DLG1: variants seen among roughly 807,000 people sequenced by gnomAD.
The protein encoded by DLG1 is discs large MAGUK scaffold protein 1, also known as disks large homolog 1.
Under a neutral mutation model 123.4 loss-of-function variants are expected in DLG1, and 42 were observed. That is an observed-to-expected ratio of 0.34 (90% confidence interval 0.27 to 0.44). The LOEUF (loss-of-function observed/expected upper bound fraction) is 0.44, where lower values mean the gene tolerates loss of function less well. DLG1 is among the 20% of genes least tolerant of loss of function. DLG1 has a pLI of 1.00. For synonymous variants in DLG1, 317 were observed against 356.2 expected, an observed-to-expected ratio of 0.89 and a Z score of 1.24; for missense variants, 942 against 1,082.6, an observed-to-expected ratio of 0.87 and a Z score of 1.82.
intron 5 of DLG1, among the ~76,000 whole-genome samples, chr3:197,183,154 A>G (rs1292136410): frequency 1.3e-5 from 2 of 152,218 alleles, no homozygotes; most frequent in Non-Finnish European, 2.9e-5. Flanking sequence ...AAAATATTTC[A>G]AAGTATCTTC....
At chr3:197,235,458 A>C (rs6805920) in intron 4 of DLG1, among the ~76,000 whole-genome samples, 43,217 of 152,178 alleles carry the variant, frequency 0.28, 7,437 homozygotes, top group East Asian at 0.71. Context: ...TTCAGAGCTC[A>C]CAGTAAGCTG....
chr3:197,152,685 C>A (rs927730682), intron 5 of DLG1, among the ~76,000 whole-genome samples: 2 of 147,640 alleles, frequency 1.4e-5, no homozygotes, highest in African/African-American at 5.0e-5. Context: ...ATGGTGTGAA[C>A]CCAGGAGGTG....
chr3:197,110,393 T>A (rs991104684), intron 13 of DLG1, among the ~76,000 whole-genome samples: 11 of 152,208 alleles, frequency 7.2e-5, no homozygotes, highest in African/African-American at 2.7e-4. Context: ...TGGTGAGATA[T>A]TGTTCCTTTA....
Position 197,282,808 on chromosome 3 carries a change from A to G in DLG1, c.189T>C (p.Asn63=). 6.2e-7 allele frequency: 1 copy of G among 1,600,184 alleles called. No individual in the cohort carries two copies. The highest frequency in any genetic ancestry group is 8.5e-7 in the Non-Finnish European group (1 of 1,172,446). ...QEFYEVTLLD[N]PKCIDRSKPS... The stretch of plus-strand genomic sequence containing the variant: ...GCTTTGAACGATCTATACATTTTGG[A>G]TTATCCAGTAAGGTCACTTCATAAA... The change falls in exon 4 of 25, where the codon AAT becomes AAC. Residue 63 remains asparagine, a synonymous_variant. Transcript: ENST00000667157.
At chr3:197,155,550 A>G (rs193296434) in intron 5 of DLG1, among the ~76,000 whole-genome samples, 23 of 152,324 alleles carry the variant, frequency 1.5e-4, no homozygotes, top group Non-Finnish European at 2.9e-4. Context: ...CTAGTTAGTA[A>G]TATTGTAACA....
chr3:197,081,241 T>TTAA, intron 16 of DLG1, 124 bp from the exon 17 acceptor site: 2 of 780,220 alleles, frequency 2.6e-6, no homozygotes, highest in Non-Finnish European at 3.9e-6. Flanking sequence ...AAGAGTCATC[T>TTAA]AGGTTTGCAT....
chr3:197,201,179 C>G (rs375667461), intron 4 of DLG1, among the ~76,000 whole-genome samples: 2 of 152,144 alleles, frequency 1.3e-5, no homozygotes, highest in Non-Finnish European at 2.9e-5. Context: ...GTCAGGAGAT[C>G]GAGACCATCC....
chr3:197,153,664 C>T (rs1795021789), intron 5 of DLG1, among the ~76,000 whole-genome samples: 1 of 152,188 alleles, frequency 6.6e-6, no homozygotes, highest in African/African-American at 2.4e-5. Flanking sequence ...CCCCTTCCTA[C>T]ACACCAATTC....
intron 14 of DLG1, among the ~76,000 whole-genome samples, chr3:197,103,729 A>C (rs1186959752): frequency 1.3e-5 from 2 of 150,128 alleles, no homozygotes; most frequent in Admixed American, 1.3e-4. Flanking sequence ...TGATCAGCTA[A>C]AAAACATACT....
intron 5 of DLG1, among the ~76,000 whole-genome samples, chr3:197,183,176 T>C (rs564164914): frequency 6.4e-4 from 97 of 152,222 alleles, no homozygotes; most frequent in Non-Finnish European, 1.2e-3. Flanking sequence ...GTTTCTTTAC[T>C]GTAACAGTCT....
intron 7 of DLG1, 117 bp downstream of exon 7, chr3:197,142,601 G>C (rs1788582372): frequency 8.9e-6 from 6 of 676,900 alleles, no homozygotes; most frequent in Non-Finnish European, 1.3e-5. Context: ...TTTATGAACT[G>C]GGAACTTAGA....
chr3:197,171,063 C>T (rs1186024170), intron 5 of DLG1, among the ~76,000 whole-genome samples: 2 of 152,038 alleles, frequency 1.3e-5, no homozygotes, highest in Non-Finnish European at 2.9e-5. Context: ...ATTAATATTC[C>T]TAATCTAAGT....
intron 17 of DLG1, chr3:197,080,420 A>T (rs1422443944): frequency 6.7e-6 from 1 of 148,910 alleles, no homozygotes; most frequent in East Asian, 1.9e-4. Flanking sequence ...CTGGGACTAC[A>T]GGTGCAAGCC....
In DLG1 at chr3:197,119,293, T is replaced by A. The variant is rs2149431993; in HGVS notation, c.1286+117A>T. ...TATGGAAAAAAATTAACCTTTAAGC[T>A]CACTAACTGTCAATAAAATTTTTTA... On this transcript the variant is annotated intron_variant, in intron 12 of 24. Coordinates refer to ENST00000667157, the MANE Select transcript of DLG1 (RefSeq NM_001366207.1). 4 of 750,498 alleles carry A rather than the reference T, an allele frequency of 5.3e-6. No homozygotes were observed. In the East Asian group the frequency reaches 1.4e-4, roughly 26 times the overall value. The allele number at this position is 750,498 out of a possible 1,614,324, so 46.5% of individuals were successfully genotyped here.
chr3:197,288,744 ATACATAC>A lies in DLG1; in HGVS notation c.152-5906_152-5900del, dbSNP rs1419977737. Among the ~76,000 whole-genome samples the A allele has an allele frequency of 4.6e-4, 17 of 36,910 alleles. No homozygotes were observed. The East Asian group carries it at 8.3e-3, about 18-fold the overall frequency. The allele number at this position is 36,910 out of a possible 152,430, so 24.2% of individuals were successfully genotyped here. On this transcript the variant is annotated intron_variant, in intron 3 of 24. Coordinates refer to ENST00000667157, the MANE Select transcript of DLG1 (RefSeq NM_001366207.1). Reference sequence around the variant, plus strand: ...CAAAAAAAAAAAAAAAAAAAAAAAAATACATACATACATACATACATACATACATAAA... The same window carrying A: ...CAAAAAAAAAAAAAAAAAAAAAAAAAATACATACATACATACATACATAAA...
intron 5 of DLG1, among the ~76,000 whole-genome samples, chr3:197,190,508 G>A (rs1053953236): frequency 3.3e-5 from 5 of 152,174 alleles, no homozygotes; most frequent in African/African-American, 1.2e-4. Flanking sequence ...GCATATAAGT[G>A]GAGCAGTGCA....
intron 22 of DLG1, among the ~76,000 whole-genome samples, chr3:197,061,392 C>G (rs1044064013): frequency 6.6e-6 from 1 of 152,068 alleles, no homozygotes; most frequent in African/African-American, 2.4e-5. Context: ...GCATAATGCT[C>G]CTTCACCTCG....
rs188557077 is a variant in DLG1 at position 197,134,421 on chromosome 3, A to T, written c.1020+2121T>A. Among the ~76,000 whole-genome samples, 333 of 149,820 alleles carry T rather than the reference A, an allele frequency of 2.2e-3. 2 individuals carry two copies. Among genetic ancestry groups the T allele is most frequent in the Non-Finnish European group, 2.7e-3 (180 of 67,726 alleles). On this transcript the variant is annotated intron_variant, in intron 10 of 24. Transcript: ENST00000667157. ...TGACAGTCAAGTAAAATTCTTGTAC[A>T]TGTTCACCAGAACACACAGCAGCTC...
At chr3:197,190,281 T>C (rs1376308482) in intron 5 of DLG1, among the ~76,000 whole-genome samples, 2 of 152,058 alleles carry the variant, frequency 1.3e-5, no homozygotes, top group African/African-American at 2.4e-5. Context: ...AGCACAGTAG[T>C]GCAGGAAAAT....
Sources: gnomAD v4.1 joint callset for allele counts (sites outside exome capture counted in the v4.1 genomes callset) on GRCh38, gnomAD v4.1.1 for gene constraint, MANE v1.5 for transcripts, NCBI Gene and HGNC (gene_info 2026-07-23, HGNC 2026-07-21) for gene names.